Variants in FAM234B observed in about 807,000 individuals in gnomAD.
FAM234B encodes protein FAM234B.
Under a neutral mutation model 69.3 loss-of-function variants are expected in FAM234B, and 33 were observed. That is an observed-to-expected ratio of 0.48 (90% CI 0.36 to 0.64). FAM234B has a LOEUF of 0.64. Ranked by LOEUF, FAM234B falls within the 30% of genes least tolerant of loss-of-function variation. The pLI, the probability that FAM234B is intolerant of heterozygous loss-of-function variation, is 0.00. For missense variants in FAM234B, 697 were observed against 769.7 expected, an observed-to-expected ratio of 0.91 and a Z score of 1.12; for synonymous variants, 306 against 306.9, an observed-to-expected ratio of 1.00 and a Z score of 0.03.
In FAM234B at chr12:13,082,373, A is replaced by G. The variant is rs767416128; in HGVS notation, c.*1743A>G. The G allele has an allele frequency of 1.3e-5, 2 of 152,178 alleles. No individual in the cohort carries two copies. Among genetic ancestry groups the G allele is most frequent in the Non-Finnish European group, 2.9e-5 (2 of 68,034 alleles). 9.4% of individuals were successfully genotyped at this position (152,178 alleles called of 1,614,324 possible). A position where few individuals can be genotyped will look rare whatever the true frequency, so the allele number is the denominator to read the frequency against. On this transcript the variant is annotated 3_prime_UTR_variant, in exon 13 of 13. Transcript: ENST00000197268. The stretch of plus-strand genomic sequence containing the variant: ...CCACTGACAGGCATTATGACCTAAC[A>G]GGAGGTTGGTAGCAGTAGATCCAAG...
intron 1 of FAM234B, among the ~76,000 whole-genome samples, chr12:13,048,196 T>C (rs1167197209): frequency 6.6e-6 from 1 of 152,226 alleles, no homozygotes; most frequent in Non-Finnish European, 1.5e-5. Context: ...TCAAATTGCA[T>C]GTTCTTTCTC....
chr12:13,065,379 C>T (rs1297459617), intron 5 of FAM234B, among the ~76,000 whole-genome samples: 1 of 152,140 alleles, frequency 6.6e-6, no homozygotes, highest in African/African-American at 2.4e-5. Flanking sequence ...GTCCAAATCT[C>T]TTTTAAAATG....
At chr12:13,063,043 T>C (rs1269797256) in intron 5 of FAM234B, 68 bp downstream of exon 5, 3 of 1,514,538 alleles carry the variant, frequency 2.0e-6, no homozygotes, top group Non-Finnish European at 2.7e-6. Context: ...TCTCAGCTCC[T>C]AGTGTTACAT....
chr12:13,078,807 A>G (rs1224810436), intron 11 of FAM234B, among the ~76,000 whole-genome samples: 1 of 152,204 alleles, frequency 6.6e-6, no homozygotes, highest in African/African-American at 2.4e-5. Flanking sequence ...AAAGAGAATA[A>G]AAGACCTAGG....
chr12:13,054,350 C>T (rs930725973), intron 1 of FAM234B, among the ~76,000 whole-genome samples: 16 of 152,182 alleles, frequency 1.1e-4, no homozygotes, highest in Admixed American at 3.3e-4. Flanking sequence ...GAAATCTTCA[C>T]AATTTATGTT....
In FAM234B at chr12:13,067,153, A is replaced by G; in HGVS notation, c.1001-2A>G. Reference sequence around the variant, plus strand: ...TCAGTGTTGGTTCTTCTGTGGTGCTAGGAAATATACAAGCTGTCGCACTGC... The same window carrying G: ...TCAGTGTTGGTTCTTCTGTGGTGCTGGGAAATATACAAGCTGTCGCACTGC... On this transcript the variant is annotated splice_acceptor_variant, in intron 6 of 12. Coordinates refer to ENST00000197268, the MANE Select transcript of FAM234B (RefSeq NM_020853.2). LOFTEE classifies it high-confidence loss of function. This position sits in a 1 kb window ranked among gnomAD's most constrained non-coding sequence, Gnocchi z 4.7. The G allele has an allele frequency of 6.2e-7, 1 of 1,613,994 alleles. No homozygotes were observed. The highest frequency in any genetic ancestry group is 1.1e-5 in the South Asian group (1 of 91,070).
chr12:13,049,338 C>T (rs570191038), intron 1 of FAM234B, among the ~76,000 whole-genome samples: 1 of 152,340 alleles, frequency 6.6e-6, no homozygotes, highest in East Asian at 1.9e-4. Flanking sequence ...TGCCACCACA[C>T]GTGGCAAATT....
intron 10 of FAM234B, among the ~76,000 whole-genome samples, chr12:13,072,245 A>G (rs1374267644): frequency 6.6e-6 from 1 of 152,152 alleles, no homozygotes; most frequent in Admixed American, 6.5e-5. Context: ...ATCTTTATCC[A>G]TTAATGGTTA....
chr12:13,066,954 GC>G, intron 6 of FAM234B, 167 bp downstream of exon 6: 1 of 910,520 alleles, frequency 1.1e-6, no homozygotes, highest in Non-Finnish European at 1.6e-6. Context: ...TATTAACTCT[GC>G]CTTCCCTTGC....
chr12:13,049,241 A>AGAG (rs1864847371), intron 1 of FAM234B, among the ~76,000 whole-genome samples: 1 of 152,212 alleles, frequency 6.6e-6, no homozygotes, highest in African/African-American at 2.4e-5. Flanking sequence ...GTGCAGTGGC[A>AGAG]TGGTCTCGAC....
intron 1 of FAM234B, 79 bp from the exon 2 acceptor site, chr12:13,055,472 G>A (rs948677635): frequency 8.8e-6 from 12 of 1,358,070 alleles, no homozygotes; most frequent in Non-Finnish European, 1.2e-5. Context: ...GTTCTTCTGG[G>A]TATTTACAGT....
chr12:13,048,527 TCTGTTATCC>T (rs200946929), intron 1 of FAM234B, among the ~76,000 whole-genome samples: 36,195 of 151,988 alleles, frequency 0.24, 5,261 homozygotes, highest in East Asian at 0.53. Flanking sequence ...TATCCTCTTT[TCTGTTATCC>T]TCTTTTCTGT....
intron 1 of FAM234B, among the ~76,000 whole-genome samples, chr12:13,054,537 T>G (rs143277959): frequency 7.4e-4 from 113 of 152,336 alleles, no homozygotes; most frequent in Non-Finnish European, 1.4e-3. Flanking sequence ...GCATTAATAA[T>G]TATTCTTTTC....
At chr12:13,060,540 C>G (rs796940123) in intron 3 of FAM234B, among the ~76,000 whole-genome samples, 3 of 152,286 alleles carry the variant, frequency 2.0e-5, no homozygotes, top group African/African-American at 7.2e-5. Context: ...GGATAGGGAT[C>G]CTAGCACCTT....
chr12:13,076,217 C>G (rs1865159243), intron 11 of FAM234B, 74 bp downstream of exon 11: 1 of 1,095,230 alleles, frequency 9.1e-7, no homozygotes. Flanking sequence ...TGTAATGAGA[C>G]CATTGCCCCA....
At chr12:13,049,208 C>G (rs1864846524) in intron 1 of FAM234B, among the ~76,000 whole-genome samples, 1 of 152,156 alleles carries the variant, frequency 6.6e-6, no homozygotes, top group African/African-American at 2.4e-5. Context: ...GAGACAAAGT[C>G]TTGTTCTGTC....
chr12:13,058,265 A>T (rs1864951658), intron 2 of FAM234B, among the ~76,000 whole-genome samples, 186 bp from the exon 3 acceptor site: 1 of 151,996 alleles, frequency 6.6e-6, no homozygotes, highest in Non-Finnish European at 1.5e-5. Flanking sequence ...GAGTTGTCTT[A>T]TGTTTGTTTT....
At chr12:13,057,973 G>A (rs1864948263) in intron 2 of FAM234B, among the ~76,000 whole-genome samples, 1 of 152,216 alleles carries the variant, frequency 6.6e-6, no homozygotes, top group Admixed American at 6.5e-5. Flanking sequence ...ATGAGTGGGT[G>A]GAGCTGGGCT....
At position 13,055,772 on chromosome 12, in the gene FAM234B, CT is replaced by C. The variant is rs1247440229; in HGVS notation, c.261del (p.Gly89AlafsTer21). On this transcript the variant is annotated frameshift_variant, in exon 2 of 13. Transcript: ENST00000197268. LOFTEE classifies it high-confidence loss of function. ...VTTEGYPSEP[L>X]GGLEQKAASS... ...CACGGAGGGCTACCCCTCAGAACCC[CT>C]TGGGGGCCTGGAACAGAAGGCGGCC... 1 of 1,614,178 alleles carries C rather than the reference CT, an allele frequency of 6.2e-7. No individual in the cohort carries two copies. Among genetic ancestry groups the C allele is most frequent in the Non-Finnish European group, 8.5e-7 (1 of 1,180,022 alleles).
Sources: gnomAD v4.1 joint callset for allele counts (sites outside exome capture counted in the v4.1 genomes callset) on GRCh38, gnomAD v4.1.1 for gene constraint, Gnocchi (gnomAD v3.1) non-coding constraint, MANE v1.5 for transcripts, NCBI Gene and HGNC (gene_info 2026-07-23, HGNC 2026-07-21) for gene names.